The following FREM2 variants were observed in gnomAD, a reference collection of about 807,000 sequenced individuals.
FREM2 encodes FRAS1 related extracellular matrix 2.
FREM2 carries 119 observed loss-of-function variants against 219.9 expected under a neutral mutation model. The ratio of observed to expected loss-of-function variants is 0.54; its 90% CI spans 0.47 to 0.63. The LOEUF (loss-of-function observed/expected upper bound fraction) is 0.63, where lower values mean the gene tolerates loss of function less well. FREM2 is among the 30% of genes least tolerant of loss of function. The pLI, the probability that FREM2 is intolerant of heterozygous loss-of-function variation, is 0.00. For synonymous variants in FREM2, 1,562 were observed against 1,522.8 expected (o/e 1.03, Z -0.60); for missense variants, 4,030 against 3,993.6 (o/e 1.01, Z -0.25).
chr13:38,804,485 G>A lies in FREM2; in HGVS notation c.6019+19677G>A, dbSNP rs1365420951. Among the ~76,000 whole-genome samples, 4 of 151,926 alleles carry A rather than the reference G, an allele frequency of 2.6e-5. No homozygotes were observed. In the East Asian group the frequency reaches 5.8e-4, roughly 22 times the overall value. ...TCTTTGCTCTGCACATACTAAATAC[G>A]GTATGTGGGGGGATACAAAGACATT... On this transcript the variant is annotated intron_variant, in intron 6 of 23. Coordinates refer to ENST00000280481, the MANE Select transcript of FREM2 (RefSeq NM_207361.6).
intron 2 of FREM2, among the ~76,000 whole-genome samples, chr13:38,705,340 A>G (rs1870497068): frequency 6.6e-6 from 1 of 152,206 alleles, no homozygotes; most frequent in Non-Finnish European, 1.5e-5. Context: ...GCTGCCATTT[A>G]TGGAGATGAA....
At chr13:38,866,537 G>A (rs145470081) in intron 16 of FREM2, among the ~76,000 whole-genome samples, 5,612 of 150,624 alleles carry the variant, frequency 0.037, 183 homozygotes, top group African/African-American at 0.088. Context: ...GCGTGGTGGC[G>A]CATGCCTGTA....
intron 2 of FREM2, among the ~76,000 whole-genome samples, chr13:38,763,559 A>C (rs929576422): frequency 7.3e-5 from 11 of 150,974 alleles, no homozygotes; most frequent in African/African-American, 2.4e-4. Flanking sequence ...TAATTGGTGT[A>C]GATCAAAGGA....
chr13:38,840,625 A>AATATAT (rs66795118), intron 6 of FREM2, among the ~76,000 whole-genome samples: 1 of 135,114 alleles, frequency 7.4e-6, no homozygotes, highest in African/African-American at 3.2e-5. Context: ...ATAAAACTAA[A>AATATAT]ATATATATAT....
chr13:38,784,756 C>T lies in FREM2; in HGVS notation c.5967C>T (p.Ile1989=), dbSNP rs1593406413. 2.5e-6 allele frequency: 4 copies of T among 1,614,108 alleles called. No individual in the cohort carries two copies. Among genetic ancestry groups the T allele is most frequent in the South Asian group, 1.1e-5 (1 of 91,074 alleles). ...TGAGCATGCCCATGGGGGGAAGAAT[C>T]GGATCAGAGTTCCCAGGGGCTCAAG... ...VLLSMPMGGR[I]GSEFPGAQVT... Residue 1989 remains isoleucine (I), a synonymous_variant, in exon 6 of 24, where the codon ATC becomes ATT. Transcript: ENST00000280481.
At chr13:38,870,151 T>C (rs1031709457) in intron 16 of FREM2, among the ~76,000 whole-genome samples, 1 of 152,230 alleles carries the variant, frequency 6.6e-6, no homozygotes, top group African/African-American at 2.4e-5. Flanking sequence ...TTGATTTAGA[T>C]ATATGAAACT....
intron 11 of FREM2, among the ~76,000 whole-genome samples, chr13:38,853,331 A>C (rs1011987575): frequency 4.6e-5 from 7 of 151,906 alleles, no homozygotes; most frequent in Non-Finnish European, 1.0e-4. Context: ...AAAAAAAAAA[A>C]AAAAACAAAT....
chr13:38,754,891 TGATGATG>T (rs1566129687), intron 2 of FREM2, among the ~76,000 whole-genome samples: 61 of 118,438 alleles, frequency 5.2e-4, no homozygotes, highest in African/African-American at 1.8e-3. Flanking sequence ...ATGATGATGA[TGATGATG>T]ATGATTATTA....
chr13:38,780,625 C>T (rs1566139729), intron 4 of FREM2, among the ~76,000 whole-genome samples: 1 of 152,210 alleles, frequency 6.6e-6, no homozygotes, highest in Non-Finnish European at 1.5e-5. Flanking sequence ...ATGTAAAAAG[C>T]CAGTAGCCAG....
intron 7 of FREM2, among the ~76,000 whole-genome samples, chr13:38,847,830 T>TA (rs1211260877): frequency 6.6e-6 from 1 of 152,232 alleles, no homozygotes; most frequent in Admixed American, 6.5e-5. Context: ...GTTTTGTTTT[T>TA]AACTACTTTA....
rs1876113414 is a variant in FREM2, at chr13:38,822,651, C to G, written c.6020-23922C>G. On this transcript the variant is annotated intron_variant, in intron 6 of 23. Coordinates refer to ENST00000280481, the MANE Select transcript of FREM2 (RefSeq NM_207361.6). Reference sequence around the variant, plus strand: ...TTCCAGGGGATCGCTATCCTCCCAACAAACCTAGCATGCATGTTTTCTGTG... The same window carrying G: ...TTCCAGGGGATCGCTATCCTCCCAAGAAACCTAGCATGCATGTTTTCTGTG... 3.3e-5 allele frequency among the ~76,000 whole-genome samples: 5 copies of G among 152,206 alleles called. No individual in the cohort carries two copies. The South Asian group carries it at 1.0e-3, about 32-fold the overall frequency.
rs1479494143 is a variant in FREM2, at chr13:38,764,359, T to C, written c.5319T>C (p.Phe1773=). ...NFRLNWAWIS[F]EKEYYLVNED... is the part of the protein sequence containing the mutation. ...GTCTGAATTGGGCATGGATCTCCTTTGAAAAGGAATATTACCTGGTCAATG... is the reference window on the plus strand; with the variant it reads ...GTCTGAATTGGGCATGGATCTCCTTCGAAAAGGAATATTACCTGGTCAATG... The change falls in exon 3 of 24, where the codon TTT becomes TTC. Residue 1773 remains phenylalanine, a synonymous_variant. Transcript: ENST00000280481. 6.2e-7 allele frequency: 1 copy of C among 1,608,666 alleles called. No homozygotes were observed.
At chr13:38,723,094 A>G (rs1028454302) in intron 2 of FREM2, among the ~76,000 whole-genome samples, 5 of 151,828 alleles carry the variant, frequency 3.3e-5, no homozygotes, top group African/African-American at 1.2e-4. Flanking sequence ...AATTAGCTGC[A>G]TGTGGTGGTG....
chr13:38,780,573 C>T (rs1010995832), intron 4 of FREM2, among the ~76,000 whole-genome samples: 59 of 152,322 alleles, frequency 3.9e-4, no homozygotes, highest in African/African-American at 1.4e-3. Context: ...AACCTTCCCC[C>T]CATCTCCAAA....
In FREM2 at chr13:38,851,941, A is replaced by G. The variant is rs1426980215; in HGVS notation, c.6925+73A>G. The G allele has an allele frequency of 1.8e-5, 24 of 1,320,506 alleles. No individual in the cohort carries two copies. The Admixed American group carries it at 4.0e-4, about 22-fold the overall frequency. The allele number at this position is 1,320,506 out of a possible 1,614,324, so 81.8% of individuals were successfully genotyped here. On this transcript the variant is annotated intron_variant, in intron 11 of 23. Transcript: ENST00000280481. Reference sequence around the variant, plus strand: ...TGTTTCAGTGCCAGTGCCCTTAAGGAAAAGAAGGGAAACATCCAATTGAAA... The same window carrying G: ...TGTTTCAGTGCCAGTGCCCTTAAGGGAAAGAAGGGAAACATCCAATTGAAA...
chr13:38,701,108 C>T (rs1870326809), intron 2 of FREM2, among the ~76,000 whole-genome samples: 2 of 151,868 alleles, frequency 1.3e-5, no homozygotes, highest in South Asian at 4.2e-4. Context: ...AAGTCTAGTA[C>T]CCAATAGTTA....
At position 38,687,559 on chromosome 13, in the gene FREM2, T is replaced by C. The variant is rs760739026; in HGVS notation, c.215T>C (p.Ile72Thr). ...GCAGGGGTCCCTGCTGAGGAGGCCATAGTGCTGGCGAACCGCGGACTCCGG... is the reference window on the plus strand; with the variant it reads ...GCAGGGGTCCCTGCTGAGGAGGCCACAGTGCTGGCGAACCGCGGACTCCGG... ...GAAGVPAEEA[I>T]VLANRGLRVP... The change falls in exon 1 of 24, where the codon ATA (isoleucine) becomes ACA (threonine). Residue 72 changes from isoleucine (I) to threonine (T), a missense_variant. Coordinates refer to ENST00000280481, the MANE Select transcript of FREM2 (RefSeq NM_207361.6). The C allele has an allele frequency of 3.5e-5, 56 of 1,602,866 alleles. No homozygotes were observed. The highest frequency in any genetic ancestry group is 4.8e-5 in the Non-Finnish European group (56 of 1,174,426).
Position 38,784,785 on chromosome 13 carries a change from C to A in FREM2, c.5996C>A (p.Thr1999Lys). The A allele has an allele frequency of 6.2e-7, 1 of 1,614,132 alleles. No individual in the cohort carries two copies. Among genetic ancestry groups the A allele is most frequent in the Non-Finnish European group, 8.5e-7 (1 of 1,180,004 alleles). Residue 1999 changes from threonine (T) to lysine (K), a missense_variant, in exon 6 of 24, where the codon ACA becomes AAA. By Grantham distance (78) the Thr-to-Lys change is moderately conservative. This residue lies in a region of FREM2 where 3,102 missense variants were observed against 2,950.7 expected (regional missense o/e 1.05). Coordinates refer to ENST00000280481, the MANE Select transcript of FREM2 (RefSeq NM_207361.6). ...TCAGAGTTCCCAGGGGCTCAAGTTA[C>A]AATCGTTCCTGACAAAGATGATGGT... ...IGSEFPGAQVTIVPDKDDEPI... is the reference protein window; with the variant it reads ...IGSEFPGAQVKIVPDKDDEPI...
At chr13:38,847,929 T>G (rs1877223841) in intron 7 of FREM2, among the ~76,000 whole-genome samples, 1 of 152,150 alleles carries the variant, frequency 6.6e-6, no homozygotes, top group South Asian at 2.1e-4. Context: ...CTTCTCTCAT[T>G]GCCTGGGACA....
Sources: allele counts gnomAD v4.1 joint callset (sites outside exome capture counted in the v4.1 genomes callset), GRCh38; gene constraint gnomAD v4.1.1; regional missense constraint gnomAD v4.1.1; transcripts MANE v1.5; gene names NCBI Gene and HGNC (gene_info 2026-07-23, HGNC 2026-07-21).